The following P2RX7 variants were observed in gnomAD, a reference collection of about 807,000 sequenced individuals.
The protein encoded by P2RX7 is purinergic receptor P2X 7, also known as P2X purinoceptor 7.
A neutral mutation model predicts 71.6 loss-of-function variants in P2RX7; 62 were observed. The observed-to-expected ratio is 0.87, with a 90% confidence interval of 0.71 to 1.07. P2RX7 has a LOEUF of 1.07. Among genes scored for constraint, P2RX7 ranks in the 50% least tolerant of loss-of-function variants. P2RX7 has a pLI of 0.00. For missense variants in P2RX7, 686 were observed against 748.5 expected (o/e 0.92, Z 0.97); for synonymous variants, 299 against 283.3 (o/e 1.06, Z -0.56).
intron 2 of P2RX7, 51 bp downstream of exon 2, chr12:121,155,004 G>C: frequency 1.9e-6 from 3 of 1,605,852 alleles, no homozygotes; most frequent in South Asian, 1.1e-5. Flanking sequence ...ACCGTCGCCA[G>C]GGCCTAGCTC....
intron 8 of P2RX7, among the ~76,000 whole-genome samples, chr12:121,170,328 C>T (rs1308324787): frequency 6.6e-6 from 1 of 152,130 alleles, no homozygotes; most frequent in Non-Finnish European, 1.5e-5. Flanking sequence ...AGTGTCCTTC[C>T]AGCGACTGAG....
chr12:121,157,782 G>A (rs576555833), intron 3 of P2RX7, among the ~76,000 whole-genome samples: 1 of 152,336 alleles, frequency 6.6e-6, no homozygotes, highest in South Asian at 2.1e-4. Context: ...TCACCTCTCT[G>A]TGCCAAGTTG....
intron 1 of P2RX7, among the ~76,000 whole-genome samples, chr12:121,139,087 G>A (rs1874295145): frequency 6.6e-6 from 1 of 152,102 alleles, no homozygotes; most frequent in Non-Finnish European, 1.5e-5. Context: ...GACTATTGGT[G>A]CATGCCACTA....
chr12:121,167,395 A>T, intron 7 of P2RX7, 93 bp from the exon 8 acceptor site: 1 of 1,473,298 alleles, frequency 6.8e-7, no homozygotes, highest in Non-Finnish European at 9.3e-7. Flanking sequence ...TCCTCTAAAA[A>T]CCTTAAGCAA....
Position 121,141,160 on chromosome 12 carries a change from C to T in P2RX7, c.125+8065C>T, listed in dbSNP as rs575836217. Among the ~76,000 whole-genome samples, 3 of 152,326 alleles carry T rather than the reference C, an allele frequency of 2.0e-5. No homozygotes were observed. In the East Asian group the frequency reaches 5.8e-4, roughly 29 times the overall value. The stretch of plus-strand genomic sequence containing the variant: ...CCTGCCTACTACCATCTATCCGCAT[C>T]CTTTTTTTCATGTCTAACACCAAAA... On this transcript the variant is annotated intron_variant, in intron 1 of 12. Coordinates refer to ENST00000328963, the MANE Select transcript of P2RX7 (RefSeq NM_002562.6).
chr12:121,158,733 T>TTA (rs1879069275), intron 3 of P2RX7, among the ~76,000 whole-genome samples: 1 of 151,196 alleles, frequency 6.6e-6, no homozygotes, highest in Non-Finnish European at 1.5e-5. Context: ...TGCTGTTTTT[T>TTA]AAAAAAAAAA....
intron 1 of P2RX7, among the ~76,000 whole-genome samples, chr12:121,151,744 C>A (rs1877451850): frequency 6.6e-6 from 1 of 152,096 alleles, no homozygotes; most frequent in African/African-American, 2.4e-5. Flanking sequence ...TTCATCACCC[C>A]AAAAGGACAC....
In P2RX7 at chr12:121,185,321, G is replaced by A. The variant is rs1009331635; in HGVS notation, c.*519G>A. Reference sequence around the variant, plus strand: ...AGATTGAGATGTAAGTCTCAACTCTGTCCCCAGGAAGTTGTGTGACCCTAG... The same window carrying A: ...AGATTGAGATGTAAGTCTCAACTCTATCCCCAGGAAGTTGTGTGACCCTAG... On this transcript the variant is annotated 3_prime_UTR_variant, in exon 13 of 13. Coordinates refer to ENST00000328963, the MANE Select transcript of P2RX7 (RefSeq NM_002562.6). The A allele has an allele frequency of 1.9e-5, 3 of 154,042 alleles. No homozygotes were observed. Among genetic ancestry groups the A allele is most frequent in the Non-Finnish European group, 4.3e-5 (3 of 69,332 alleles). The allele number at this position is 154,042 out of a possible 1,614,324, so 9.5% of individuals were successfully genotyped here.
chr12:121,146,152 C>T (rs185585949), intron 1 of P2RX7, among the ~76,000 whole-genome samples: 24 of 152,132 alleles, frequency 1.6e-4, no homozygotes, highest in Non-Finnish European at 2.6e-4. Flanking sequence ...AATGGCTGCA[C>T]GCTGCTACTA....
At chr12:121,162,348 A>T in intron 4 of P2RX7, 76 bp from the exon 5 acceptor site, 1 of 1,578,536 alleles carries the variant, frequency 6.3e-7, no homozygotes, top group Non-Finnish European at 8.6e-7. Context: ...GGTTGAGTTA[A>T]TGATGTCCCT....
At chr12:121,168,551 G>A (rs1881585684) in intron 8 of P2RX7, among the ~76,000 whole-genome samples, 2 of 152,130 alleles carry the variant, frequency 1.3e-5, no homozygotes, top group Admixed American at 1.3e-4. Context: ...TTACAGGCAT[G>A]AGCCACTGTG....
intron 5 of P2RX7, among the ~76,000 whole-genome samples, chr12:121,163,559 T>C (rs1269044069): frequency 9.4e-6 from 1 of 105,926 alleles, no homozygotes; most frequent in East Asian, 3.1e-4. Context: ...GATAGAAAGA[T>C]AGATAGATAG....
In P2RX7 at chr12:121,149,474, G is replaced by T. The variant is rs1433349515; in HGVS notation, c.126-5311G>T. Among the ~76,000 whole-genome samples, 1 of 152,092 alleles carries T rather than the reference G, an allele frequency of 6.6e-6. No individual in the cohort carries two copies. Among genetic ancestry groups the T allele is most frequent in the Non-Finnish European group, 1.5e-5 (1 of 68,008 alleles). The stretch of plus-strand genomic sequence containing the variant: ...AAAGGCATGTCTTACATGGTGGCAG[G>T]CAAAAAGTGAATGACAACCAAGCAA... On this transcript the variant is annotated intron_variant, in intron 1 of 12. Transcript: ENST00000328963. This position sits in a 1 kb window ranked among gnomAD's most constrained non-coding sequence, Gnocchi z 4.7.
chr12:121,173,647 T>C (rs1212002299), intron 8 of P2RX7, among the ~76,000 whole-genome samples: 1 of 152,182 alleles, frequency 6.6e-6, no homozygotes, highest in Admixed American at 6.6e-5. Flanking sequence ...TTTATTGTGT[T>C]ACTCAGTGGA....
chr12:121,163,680 A>T (rs1265891180), intron 5 of P2RX7, among the ~76,000 whole-genome samples: 1 of 151,192 alleles, frequency 6.6e-6, no homozygotes, highest in Non-Finnish European at 1.5e-5. Context: ...CTGGTTTTGA[A>T]CTCCTGGGCT....
At chr12:121,164,655 G>T (rs1000499877) in intron 5 of P2RX7, among the ~76,000 whole-genome samples, 15 of 152,160 alleles carry the variant, frequency 9.9e-5, no homozygotes, top group African/African-American at 3.6e-4. Context: ...GGTGGCACAC[G>T]CCTGTAATCC....
In P2RX7 at chr12:121,180,370, C is replaced by T. The variant is rs1416031049; in HGVS notation, c.1205C>T (p.Ser402Phe). Reference protein sequence around the residue: ...VEPKPTLKYVSFVDESHIRMV... With the variant: ...VEPKPTLKYVFFVDESHIRMV... ...TTTTCCTAGACATTAAAGTATGTGT[C>T]CTTTGTGGATGAATCCCACATTAGG... Residue 402 changes from serine to phenylalanine, a missense_variant, in exon 12 of 13, where the codon TCC becomes TTC. Coordinates refer to ENST00000328963, the MANE Select transcript of P2RX7 (RefSeq NM_002562.6). 3 of 1,592,004 alleles carry T rather than the reference C, an allele frequency of 1.9e-6. No individual in the cohort carries two copies. Among genetic ancestry groups the T allele is most frequent in the Non-Finnish European group, 2.6e-6 (3 of 1,167,028 alleles).
At chr12:121,155,958 C>T (rs1878487460) in intron 2 of P2RX7, 121 bp from the exon 3 acceptor site, 3 of 882,532 alleles carry the variant, frequency 3.4e-6, no homozygotes, top group Non-Finnish European at 3.7e-6. Context: ...AAGTTGCCCA[C>T]AGATCCTGAT....
At chr12:121,143,022 A>G (rs944074740) in intron 1 of P2RX7, among the ~76,000 whole-genome samples, 7 of 151,576 alleles carry the variant, frequency 4.6e-5, no homozygotes, top group Non-Finnish European at 1.0e-4. Flanking sequence ...CAGAGACTGC[A>G]GTGAGCCAAG....
Sources: gnomAD v4.1 joint callset for allele counts (sites outside exome capture counted in the v4.1 genomes callset) on GRCh38, gnomAD v4.1.1 for gene constraint, Gnocchi (gnomAD v3.1) non-coding constraint, MANE v1.5 for transcripts, NCBI Gene and HGNC (gene_info 2026-07-23, HGNC 2026-07-21) for gene names.